Variants in LRIF1 observed in about 807,000 individuals in gnomAD.
LRIF1 encodes the protein ligand dependent nuclear receptor interacting factor 1, also known as ligand-dependent nuclear receptor-interacting factor 1.
In LRIF1, 32 loss-of-function variants were observed where a neutral mutation model predicts 52.7. That is an observed-to-expected ratio of 0.61 (90% CI 0.46 to 0.82). The LOEUF (loss-of-function observed/expected upper bound fraction) is 0.82, where lower values mean the gene tolerates loss of function less well. Among genes scored for constraint, LRIF1 ranks in the 40% least tolerant of loss-of-function variants. LRIF1 has a pLI of 0.00. For missense variants in LRIF1, 887 were observed against 892.0 expected, an observed-to-expected ratio of 0.99 and a Z score of 0.07; for synonymous variants, 323 against 317.4, an observed-to-expected ratio of 1.02 and a Z score of -0.19.
At chr1:110,921,380 AT>A in the LRIF1 span, among the ~76,000 whole-genome samples, 1 of 152,208 alleles carries the variant, frequency 6.6e-6, no homozygotes, top group South Asian at 2.1e-4. Context: ...GTTGGGACTA[AT>A]AAACAATAAA....
At chr1:110,933,180 T>A in the LRIF1 span, among the ~76,000 whole-genome samples, 2 of 152,180 alleles carry the variant, frequency 1.3e-5, no homozygotes, top group Non-Finnish European at 2.9e-5. Flanking sequence ...ATCTTATATT[T>A]TCCTTGCTCA....
chr1:110,895,056 G>A, the LRIF1 span: 1 of 1,601,296 alleles, frequency 6.2e-7, no homozygotes, highest in Non-Finnish European at 8.6e-7. Flanking sequence ...CCAGTCATTT[G>A]TGAGTACAGG....
chr1:110,892,348 T>G, the LRIF1 span: 1 of 1,613,478 alleles, frequency 6.2e-7, no homozygotes, highest in Non-Finnish European at 8.5e-7. Context: ...CTTTCAGATC[T>G]GTGGCTGCTG....
chr1:110,895,127 T>C, the LRIF1 span: 1 of 1,129,358 alleles, frequency 8.9e-7, no homozygotes, highest in Non-Finnish European at 1.3e-6. Flanking sequence ...GGGGGCTAGT[T>C]CCTTTTTCTG....
At chr1:110,930,188 C>T in the LRIF1 span, among the ~76,000 whole-genome samples, 1 of 151,926 alleles carries the variant, frequency 6.6e-6, no homozygotes, top group Non-Finnish European at 1.5e-5. Flanking sequence ...GGCAACAGTT[C>T]TTCAATTTTT....
the LRIF1 span, among the ~76,000 whole-genome samples, chr1:110,909,012 C>CT: frequency 2.0e-5 from 3 of 152,062 alleles, no homozygotes; most frequent in Non-Finnish European, 4.4e-5. Context: ...TGTACAAGGG[C>CT]TAACAGTGGA....
chr1:110,892,183 C>G, the LRIF1 span, among the ~76,000 whole-genome samples: 1 of 152,272 alleles, frequency 6.6e-6, no homozygotes, highest in South Asian at 2.1e-4. Flanking sequence ...GAGATTGCCT[C>G]TCCAATGTAA....
At chr1:110,926,090 T>C in the LRIF1 span, among the ~76,000 whole-genome samples, 2 of 152,114 alleles carry the variant, frequency 1.3e-5, no homozygotes, top group Non-Finnish European at 2.9e-5. Flanking sequence ...AATTGATTTA[T>C]AGTTTTAAAT....
the LRIF1 span, among the ~76,000 whole-genome samples, chr1:110,921,811 G>A: frequency 4.0e-4 from 61 of 152,296 alleles, no homozygotes; most frequent in African/African-American, 1.4e-3. Context: ...AGTGATGAGA[G>A]GTGGTACCTT....
chr1:110,923,976 A>G, the LRIF1 span, among the ~76,000 whole-genome samples: 60 of 152,302 alleles, frequency 3.9e-4, no homozygotes, highest in African/African-American at 1.4e-3. Flanking sequence ...AGCAAAAATG[A>G]AATTTTCTGG....
At chr1:110,916,951 C>T in the LRIF1 span, among the ~76,000 whole-genome samples, 1 of 152,202 alleles carries the variant, frequency 6.6e-6, no homozygotes, top group Non-Finnish European at 1.5e-5. Context: ...TTAGGGTGTG[C>T]CACAAGACAT....
At chr1:110,913,492 A>G in the LRIF1 span, among the ~76,000 whole-genome samples, 1 of 152,216 alleles carries the variant, frequency 6.6e-6, no homozygotes. Flanking sequence ...GACAAAGTAT[A>G]TGGTCAGACA....
At chr1:110,958,125 C>T (rs892434363) in intron 1 of LRIF1, among the ~76,000 whole-genome samples, 38 of 152,160 alleles carry the variant, frequency 2.5e-4, no homozygotes, top group Admixed American at 4.6e-4. Context: ...TTCAGCTGGA[C>T]GCGAAAATCA....
the LRIF1 span, among the ~76,000 whole-genome samples, chr1:110,930,888 G>A: frequency 0.012 from 1,897 of 152,176 alleles, 18 homozygotes; most frequent in Non-Finnish European, 0.019. Flanking sequence ...CAGCTTTTAG[G>A]AGACGGGCTG....
At chr1:110,894,483 A>G in the LRIF1 span, 4 of 1,045,760 alleles carry the variant, frequency 3.8e-6, no homozygotes, top group East Asian at 4.7e-5. Flanking sequence ...AAAGTTACAG[A>G]ATAAGTTCTA....
At chr1:110,923,248 C>T in the LRIF1 span, among the ~76,000 whole-genome samples, 28 of 152,024 alleles carry the variant, frequency 1.8e-4, no homozygotes, top group African/African-American at 4.8e-5. Flanking sequence ...TGCAGTGAGC[C>T]GAGATCGCAC....
chr1:110,961,140 T>A (rs1658931568), intron 1 of LRIF1, among the ~76,000 whole-genome samples: 2 of 152,204 alleles, frequency 1.3e-5, no homozygotes. Flanking sequence ...GTTTCCCAAC[T>A]CAGCTGTTCT....
At chr1:110,950,489 C>A (rs1226936241) in intron 2 of LRIF1, among the ~76,000 whole-genome samples, 17 of 152,084 alleles carry the variant, frequency 1.1e-4, no homozygotes, top group African/African-American at 3.1e-4. Context: ...TTGTATTGAA[C>A]AATCAGAATT....
At chr1:110,914,882 A>G in the LRIF1 span, among the ~76,000 whole-genome samples, 1 of 152,202 alleles carries the variant, frequency 6.6e-6, no homozygotes, top group Admixed American at 6.5e-5. Context: ...TGGTACAACA[A>G]TGTTTCACCA....
Sources: gnomAD v4.1 joint callset for allele counts (sites outside exome capture counted in the v4.1 genomes callset) on GRCh38, gnomAD v4.1.1 for gene constraint, MANE v1.5 for transcripts, NCBI Gene and HGNC (gene_info 2026-07-23, HGNC 2026-07-21) for gene names.